The following CELF2 variants were observed in gnomAD, a reference collection of about 807,000 sequenced individuals.
The protein encoded by CELF2 is CUGBP Elav-like family member 2, also known as CUG triplet repeat RNA-binding protein 2.
CELF2 carries 8 observed loss-of-function variants against 62.6 expected under a neutral mutation model. That is an observed-to-expected ratio of 0.13 (90% confidence interval 0.07 to 0.23). The LOEUF (loss-of-function observed/expected upper bound fraction) is 0.23, where lower values mean the gene tolerates loss of function less well. Ranked by LOEUF, CELF2 falls within the 10% of genes least tolerant of loss-of-function variation. The pLI, the probability that CELF2 is intolerant of heterozygous loss-of-function variation, is 1.00. For synonymous variants in CELF2, 258 were observed against 250.0 expected (o/e 1.03, Z -0.30); for missense variants, 333 against 671.0 (o/e 0.50, Z 5.56).
chr10:11,239,985 G>C (rs1007839380), intron 3 of CELF2, among the ~76,000 whole-genome samples: 15 of 152,322 alleles, frequency 9.8e-5, no homozygotes, highest in Middle Eastern at 3.4e-3. Flanking sequence ...CCGAGAGGCA[G>C]AGGTTGCAGT....
intron 1 of CELF2, among the ~76,000 whole-genome samples, chr10:10,879,198 A>C (rs556768709): frequency 6.6e-6 from 1 of 152,300 alleles, no homozygotes; most frequent in African/African-American, 2.4e-5. Flanking sequence ...CACTTTCATA[A>C]CACATTTAAA....
In CELF2 at chr10:11,227,529, C is replaced by G. The variant is rs1180937575; in HGVS notation, c.354+10022C>G. On this transcript the variant is annotated intron_variant, in intron 3 of 12. Transcript: ENST00000633077. This position sits in a 1 kb window ranked among gnomAD's most constrained non-coding sequence, Gnocchi z 4.8. The stretch of plus-strand genomic sequence containing the variant: ...TTCCTAGGCCAGTTAGGATCAAAGG[C>G]TGAGCACTGGCTGCGATATTAGGGC... Among the ~76,000 whole-genome samples, 1 of 152,210 alleles carries G rather than the reference C, an allele frequency of 6.6e-6. No individual in the cohort carries two copies. Among genetic ancestry groups the G allele is most frequent in the Non-Finnish European group, 1.5e-5 (1 of 68,040 alleles).
At chr10:11,081,713 C>G (rs1344373087) in intron 1 of CELF2, among the ~76,000 whole-genome samples, 1 of 152,176 alleles carries the variant, frequency 6.6e-6, no homozygotes, top group African/African-American at 2.4e-5. Flanking sequence ...TTTGTTTTTT[C>G]TCTGGCATAC....
intron 1 of CELF2, among the ~76,000 whole-genome samples, chr10:11,054,682 G>C (rs1414799725): frequency 6.6e-6 from 1 of 152,170 alleles, no homozygotes; most frequent in Non-Finnish European, 1.5e-5. Context: ...CACGACAGGA[G>C]AGTTAAGATT....
chr10:10,580,508 A>G, the CELF2 span, among the ~76,000 whole-genome samples: 1 of 152,184 alleles, frequency 6.6e-6, no homozygotes. Context: ...TACCAAGACC[A>G]CTGGCTAAGC....
At chr10:11,276,277 C>T (rs892354125) in intron 8 of CELF2, among the ~76,000 whole-genome samples, 2 of 152,146 alleles carry the variant, frequency 1.3e-5, no homozygotes, top group African/African-American at 4.8e-5. Flanking sequence ...TGATGGTCTT[C>T]CTTGGCCTGT....
chr10:11,199,961 T>A (rs532406145), intron 2 of CELF2, among the ~76,000 whole-genome samples: 6 of 152,300 alleles, frequency 3.9e-5, no homozygotes, highest in African/African-American at 1.4e-4. Context: ...GGCATTGATG[T>A]CACAAAACTG....
At chr10:10,547,220 C>G in the CELF2 span, among the ~76,000 whole-genome samples, 1 of 152,126 alleles carries the variant, frequency 6.6e-6, no homozygotes, top group African/African-American at 2.4e-5. Context: ...ACTTGCCTAT[C>G]GAGAAATATC....
chr10:11,122,875 G>A (rs1564832526), intron 1 of CELF2, among the ~76,000 whole-genome samples: 1 of 152,176 alleles, frequency 6.6e-6, no homozygotes, highest in Non-Finnish European at 1.5e-5. Flanking sequence ...GGGAGTATGT[G>A]TCGGGCACCT....
the CELF2 span, among the ~76,000 whole-genome samples, chr10:10,641,737 C>A: frequency 9.9e-5 from 15 of 152,230 alleles, no homozygotes; most frequent in Non-Finnish European, 4.4e-5. Context: ...GAGTGATCCA[C>A]TGTGCCCAGC....
chr10:11,146,661 T>A (rs192390003), intron 1 of CELF2, among the ~76,000 whole-genome samples: 7 of 152,338 alleles, frequency 4.6e-5, no homozygotes, highest in African/African-American at 1.4e-4. Flanking sequence ...CGGTGATTTG[T>A]TACTATATAC....
At chr10:11,125,764 T>C (rs1301827115) in intron 1 of CELF2, among the ~76,000 whole-genome samples, 1 of 152,206 alleles carries the variant, frequency 6.6e-6, no homozygotes, top group Non-Finnish European at 1.5e-5. Context: ...CCCATTAAAG[T>C]GTCTACTTGT....
the CELF2 span, among the ~76,000 whole-genome samples, chr10:10,767,762 C>T: frequency 1.5e-4 from 23 of 152,206 alleles, no homozygotes; most frequent in South Asian, 4.4e-3. Context: ...TTTGGGAGGC[C>T]GAGGCGGGTG....
intron 2 of CELF2, among the ~76,000 whole-genome samples, chr10:10,959,877 T>A (rs979764539): frequency 6.6e-6 from 1 of 152,220 alleles, no homozygotes; most frequent in Non-Finnish European, 1.5e-5. Flanking sequence ...CGTTACAACA[T>A]TGAATTATCG....
intron 1 of CELF2, among the ~76,000 whole-genome samples, chr10:11,132,664 G>A (rs2059791180): frequency 6.6e-6 from 1 of 152,178 alleles, no homozygotes; most frequent in South Asian, 2.1e-4. Context: ...TCTGACAGCA[G>A]CAAAATCACT....
At chr10:10,671,577 C>G in the CELF2 span, among the ~76,000 whole-genome samples, 2 of 152,318 alleles carry the variant, frequency 1.3e-5, no homozygotes, top group Non-Finnish European at 2.9e-5. Context: ...TCCTGTTACT[C>G]ACATCCTCAC....
chr10:11,023,987 A>G (rs1301290545), intron 1 of CELF2, among the ~76,000 whole-genome samples: 2 of 152,248 alleles, frequency 1.3e-5, no homozygotes, highest in East Asian at 1.9e-4. Context: ...ATTTGAGTGA[A>G]TGCCTCAGAG....
At chr10:11,148,843 AACAC>A (rs58567770) in intron 1 of CELF2, among the ~76,000 whole-genome samples, 56 of 146,888 alleles carry the variant, frequency 3.8e-4, no homozygotes, top group African/African-American at 1.0e-3. Flanking sequence ...TCTTAAACCA[AACAC>A]ACACACACAC....
chr10:11,195,872 C>T (rs2057327694), intron 2 of CELF2, among the ~76,000 whole-genome samples: 3 of 152,102 alleles, frequency 2.0e-5, no homozygotes, highest in Non-Finnish European at 4.4e-5. Context: ...GGACAAATAG[C>T]CTTATTATTA....
Sources: allele counts gnomAD v4.1 joint callset (sites outside exome capture counted in the v4.1 genomes callset), GRCh38; gene constraint gnomAD v4.1.1; non-coding constraint Gnocchi (gnomAD v3.1); transcripts MANE v1.5; gene names NCBI Gene and HGNC (gene_info 2026-07-23, HGNC 2026-07-21).